Variants in GNAQ observed in about 807,000 individuals in gnomAD.
The protein encoded by GNAQ is G protein subunit alpha q.
A neutral mutation model predicts 43.9 loss-of-function variants in GNAQ; 8 were observed. That is an observed-to-expected ratio of 0.18 (90% CI 0.11 to 0.33). The LOEUF (loss-of-function observed/expected upper bound fraction) is 0.33. GNAQ is among the 10% of genes least tolerant of loss of function. The pLI is 1.00. For synonymous variants in GNAQ, 155 were observed against 170.7 expected, an observed-to-expected ratio of 0.91 and a Z score of 0.71; for missense variants, 158 against 450.8, an observed-to-expected ratio of 0.35 and a Z score of 5.88.
chr9:78,008,160 C>T (rs1039468358), intron 1 of GNAQ, among the ~76,000 whole-genome samples: 1 of 152,022 alleles, frequency 6.6e-6, no homozygotes, highest in Non-Finnish European at 1.5e-5. Flanking sequence ...TTGTTTGAGC[C>T]GCTGAAAGAC....
intron 1 of GNAQ, among the ~76,000 whole-genome samples, chr9:77,985,010 G>C (rs1397509541): frequency 6.6e-6 from 1 of 152,094 alleles, no homozygotes. Flanking sequence ...CCCCTACATG[G>C]TTTTCAAAAG....
At chr9:77,989,317 C>T (rs190111808) in intron 1 of GNAQ, among the ~76,000 whole-genome samples, 175 of 152,290 alleles carry the variant, frequency 1.1e-3, no homozygotes, top group Admixed American at 2.5e-3. Context: ...AGTTAGGGCA[C>T]CCATCCCCTC....
intron 6 of GNAQ, among the ~76,000 whole-genome samples, chr9:77,725,104 C>A (rs184141032): frequency 1.3e-5 from 2 of 150,980 alleles, no homozygotes; most frequent in Admixed American, 1.3e-4. Flanking sequence ...TTTTTATTTA[C>A]CCTACAGAAT....
At chr9:77,897,945 A>G (rs867908428) in intron 2 of GNAQ, among the ~76,000 whole-genome samples, 55 of 144,182 alleles carry the variant, frequency 3.8e-4, no homozygotes, top group East Asian at 1.6e-3. Flanking sequence ...TTCCCTGGAA[A>G]AAAAAAAAAA....
chr9:78,027,189 T>G (rs1305243513), intron 1 of GNAQ, among the ~76,000 whole-genome samples: 1 of 152,230 alleles, frequency 6.6e-6, no homozygotes, highest in Non-Finnish European at 1.5e-5. Context: ...TATCCTGGAA[T>G]GCATTTATAA....
chr9:77,989,041 T>C (rs940630656), intron 1 of GNAQ, among the ~76,000 whole-genome samples: 2 of 152,216 alleles, frequency 1.3e-5, no homozygotes, highest in African/African-American at 2.4e-5. Context: ...AACTATTTTG[T>C]TTATTTTTTA....
At chr9:77,909,162 C>A (rs1828758404) in intron 2 of GNAQ, among the ~76,000 whole-genome samples, 1 of 152,150 alleles carries the variant, frequency 6.6e-6, no homozygotes, top group Admixed American at 6.5e-5. Context: ...ATACACGCCA[C>A]CCACAAAGCA....
intron 5 of GNAQ, among the ~76,000 whole-genome samples, chr9:77,761,882 C>T: frequency 9.5e-6 from 1 of 105,124 alleles, no homozygotes; most frequent in Admixed American, 8.5e-5. Context: ...GCCAGCCGCC[C>T]CATCCGGGAG....
chr9:77,764,018 C>A (rs1255419005), intron 5 of GNAQ, among the ~76,000 whole-genome samples: 2 of 152,106 alleles, frequency 1.3e-5, no homozygotes, highest in African/African-American at 2.4e-5. Context: ...ATAAGAGTTG[C>A]AAAAAGTTTC....
chr9:77,937,872 A>G (rs954814929), intron 1 of GNAQ, among the ~76,000 whole-genome samples: 1 of 152,244 alleles, frequency 6.6e-6, no homozygotes, highest in African/African-American at 2.4e-5. Flanking sequence ...AGTCTGGGCA[A>G]CAAGAGTGAA....
intron 1 of GNAQ, among the ~76,000 whole-genome samples, chr9:77,968,828 G>A (rs77721583): frequency 1.4e-3 from 214 of 152,334 alleles, no homozygotes; most frequent in African/African-American, 4.9e-3. Flanking sequence ...GAATTCACTG[G>A]CTAAGTAACC....
intron 2 of GNAQ, among the ~76,000 whole-genome samples, chr9:77,895,331 C>A (rs1262505156): frequency 6.6e-6 from 1 of 152,046 alleles, no homozygotes; most frequent in Non-Finnish European, 1.5e-5. Context: ...TCCCCTTTAA[C>A]AGAGGAGAAT....
intron 1 of GNAQ, among the ~76,000 whole-genome samples, chr9:78,016,461 G>A (rs973091889): frequency 6.6e-6 from 1 of 152,074 alleles, no homozygotes; most frequent in Admixed American, 6.6e-5. Flanking sequence ...CAAGGTGGGC[G>A]GATCACGAGG....
At chr9:77,959,922 T>C (rs1001152710) in intron 1 of GNAQ, among the ~76,000 whole-genome samples, 1 of 152,152 alleles carries the variant, frequency 6.6e-6, no homozygotes, top group Admixed American at 6.6e-5. Flanking sequence ...GCCCCTTGGA[T>C]TGTAAAACCT....
At chr9:77,819,527 T>C (rs926082095) in intron 2 of GNAQ, among the ~76,000 whole-genome samples, 7 of 152,014 alleles carry the variant, frequency 4.6e-5, no homozygotes, top group Admixed American at 2.6e-4. Context: ...TACCCAGAAG[T>C]AGAAAGCCAA....
intron 1 of GNAQ, among the ~76,000 whole-genome samples, chr9:78,017,683 T>C (rs1823855949): frequency 6.6e-6 from 1 of 152,200 alleles, no homozygotes; most frequent in African/African-American, 2.4e-5. Context: ...TTTGGCTTGA[T>C]AGTAATTAAA....
intron 2 of GNAQ, among the ~76,000 whole-genome samples, chr9:77,853,859 A>G (rs1242456926): frequency 6.7e-6 from 1 of 149,122 alleles, no homozygotes; most frequent in African/African-American, 2.5e-5. Flanking sequence ...ACCCTGTCCC[A>G]TTTCTAAGAA....
chr9:77,922,497 T>C (rs1829013983), intron 1 of GNAQ, 152 bp from the exon 2 acceptor site: 1 of 592,938 alleles, frequency 1.7e-6, no homozygotes, highest in Non-Finnish European at 3.0e-6. Flanking sequence ...ATGGTGAACA[T>C]TTAGCAAAAT....
chr9:77,746,423 CA>C (rs1436593044), intron 5 of GNAQ, among the ~76,000 whole-genome samples: 1 of 151,922 alleles, frequency 6.6e-6, no homozygotes, highest in Admixed American at 6.6e-5. Context: ...AAGACAAAGC[CA>C]AAAGGGAGAT....
Sources: gnomAD v4.1 joint callset for allele counts (sites outside exome capture counted in the v4.1 genomes callset) on GRCh38, gnomAD v4.1.1 for gene constraint, MANE v1.5 for transcripts, NCBI Gene and HGNC (gene_info 2026-07-23, HGNC 2026-07-21) for gene names.